Variants in ACER1 observed in about 807,000 individuals in gnomAD.
ACER1 encodes alkaline ceramidase 1.
In ACER1, 28 loss-of-function variants were observed where a neutral mutation model predicts 24.9. The observed-to-expected ratio is 1.13, with a 90% CI of 0.83 to 1.54. The LOEUF is 1.54. Ranked by LOEUF, ACER1 falls within the 40% of genes most tolerant of loss-of-function variation. ACER1 has a pLI of 0.00. For synonymous variants in ACER1, 132 were observed against 131.4 expected, an observed-to-expected ratio of 1.00 and a Z score of -0.03; for missense variants, 352 against 349.3, an observed-to-expected ratio of 1.01 and a Z score of -0.06.
At position 6,312,132 on chromosome 19, in the gene ACER1, G is replaced by A. The variant is rs1251291918; in HGVS notation, c.350+17C>T. On this transcript the variant is annotated intron_variant, in intron 3 of 5. Transcript: ENST00000301452. ...ACTCAGACCCCACCCTGTCCAGATG[G>A]CCAGCCCCTGACCCACCTGTTCCCC... The A allele has an allele frequency of 2.5e-6, 4 of 1,611,584 alleles. No homozygotes were observed. Among genetic ancestry groups the A allele is most frequent in the Admixed American group, 1.7e-5 (1 of 59,874 alleles).
chr19:6,329,681 G>C (rs1404933386), intron 1 of ACER1, among the ~76,000 whole-genome samples: 2 of 151,866 alleles, frequency 1.3e-5, no homozygotes. Flanking sequence ...TCAGGCTCAG[G>C]ACACACTTGA....
rs2091553805 is a variant in ACER1 at position 6,306,706 on chromosome 19, G to T, written c.*8C>A. The T allele has an allele frequency of 6.3e-7, 1 of 1,597,898 alleles. No homozygotes were observed. The highest frequency in any genetic ancestry group is 1.7e-5 in the Admixed American group (1 of 58,842). On this transcript the variant is annotated 3_prime_UTR_variant, in exon 6 of 6. Coordinates refer to ENST00000301452, the MANE Select transcript of ACER1 (RefSeq NM_133492.3). ...TGGGTGGTTGGATAGTCAAGAGGCT[G>T]GCAGGTCTCAGCAGTCCTTGTCATC... is the stretch of plus-strand genomic sequence containing the variant.
chr19:6,356,984 G>C, the ACER1 span, among the ~76,000 whole-genome samples: 3 of 151,612 alleles, frequency 2.0e-5, no homozygotes, highest in African/African-American at 7.3e-5. Context: ...AGAGTGCCTG[G>C]GATATTAGCA....
chr19:6,306,907 C>T (rs771814460), intron 5 of ACER1, 25 bp from the exon 6 acceptor site: 8 of 1,597,752 alleles, frequency 5.0e-6, no homozygotes, highest in Non-Finnish European at 6.0e-6. Context: ...GCGAAGGTGG[C>T]GAGGGCACAA....
chr19:6,313,229 C>T (rs1461678545), intron 1 of ACER1, among the ~76,000 whole-genome samples: 8 of 152,080 alleles, frequency 5.3e-5, no homozygotes, highest in Non-Finnish European at 1.5e-5. Context: ...GAGGATCCTC[C>T]TGCCTCAGCC....
the ACER1 span, among the ~76,000 whole-genome samples, chr19:6,345,627 C>T: frequency 2.0e-5 from 3 of 148,848 alleles, no homozygotes; most frequent in East Asian, 2.0e-4. Flanking sequence ...TGCAGTGGTA[C>T]GATCTCAGCT....
the ACER1 span, among the ~76,000 whole-genome samples, chr19:6,345,055 C>G: frequency 6.6e-6 from 1 of 151,708 alleles, no homozygotes. Context: ...TTAGTAGAGA[C>G]GGGGTTTCAC....
chr19:6,343,639 T>C, the ACER1 span: 1 of 152,764 alleles, frequency 6.5e-6, no homozygotes, highest in African/African-American at 2.4e-5. Flanking sequence ...AATGTGGGCT[T>C]CCTCCCAACT....
At chr19:6,308,016 G>A (rs1245474306) in intron 4 of ACER1, among the ~76,000 whole-genome samples, 1 of 149,446 alleles carries the variant, frequency 6.7e-6, no homozygotes, top group African/African-American at 2.5e-5. Flanking sequence ...CCAAGAGGCG[G>A]AGGTTGCAAT....
At chr19:6,347,109 A>AATATATATATATATATAT in the ACER1 span, among the ~76,000 whole-genome samples, 3 of 113,772 alleles carry the variant, frequency 2.6e-5, no homozygotes, top group African/African-American at 1.5e-4. Flanking sequence ...AAAAAAAAAA[A>AATATATATATATATATAT]ATATATATAT....
In ACER1 at chr19:6,324,910, A is replaced by AGGAG. The variant is rs1555716073; in HGVS notation, c.93+8545_93+8548dup. The stretch of plus-strand genomic sequence containing the variant: ...AAGGAAGGAAGGAAGGAAGGAAGGA[A>AGGAG]GGAGGAAGGAAGGAAACTCTCCTAA... On this transcript the variant is annotated intron_variant, in intron 1 of 5. Transcript: ENST00000301452. 5.7e-3 allele frequency among the ~76,000 whole-genome samples: 825 copies of AGGAG among 145,714 alleles called. 18 individuals are homozygous for AGGAG. Among genetic ancestry groups the AGGAG allele is most frequent in the African/African-American group, 0.021 (791 of 38,540 alleles).
the ACER1 span, among the ~76,000 whole-genome samples, chr19:6,340,297 A>T: frequency 8.6e-3 from 2 of 232 alleles, no homozygotes; most frequent in African/African-American, 0.016. Context: ...AGAAAGAAGG[A>T]AGGAAGGAAG....
chr19:6,335,018 A>AATATT (rs200112031), upstream of ACER1, among the ~76,000 whole-genome samples: 7,313 of 147,022 alleles, frequency 0.05, 270 homozygotes, highest in African/African-American at 0.11. Context: ...TAACAATAAT[A>AATATT]ATATAATTAT....
intron 1 of ACER1, among the ~76,000 whole-genome samples, chr19:6,319,210 G>A (rs1035707148): frequency 1.3e-5 from 2 of 152,134 alleles, no homozygotes; most frequent in Middle Eastern, 3.2e-3. Context: ...GTCCCTAAGC[G>A]CTCAGAAGGA....
the ACER1 span, among the ~76,000 whole-genome samples, chr19:6,347,110 A>ATG: frequency 3.8e-5 from 2 of 52,364 alleles, no homozygotes; most frequent in Non-Finnish European, 6.8e-5. Context: ...AAAAAAAAAA[A>ATG]TATATATATA....
Position 6,306,643 on chromosome 19 carries a change from C to T in ACER1, c.*71G>A. 6.5e-7 allele frequency: 1 copy of T among 1,527,498 alleles called. No homozygotes were observed. Among genetic ancestry groups the T allele is most frequent in the Non-Finnish European group, 8.9e-7 (1 of 1,128,902 alleles). The allele number at this position is 1,527,498 out of a possible 1,614,324, so 94.6% of individuals were successfully genotyped here. ...CACGAGTGTCCCGCAGGTGCAAGTC[C>T]TGACCGGGGCTATCTTCTCAAGACA... On this transcript the variant is annotated 3_prime_UTR_variant, in exon 6 of 6. Coordinates refer to ENST00000301452, the MANE Select transcript of ACER1 (RefSeq NM_133492.3).
chr19:6,312,319 G>C (rs759087252), intron 2 of ACER1, 29 bp from the exon 3 acceptor site: 3 of 1,613,830 alleles, frequency 1.9e-6, no homozygotes, highest in Admixed American at 1.7e-5. Flanking sequence ...GCGGTCAGTG[G>C]GGTCCGCCAC....
chr19:6,316,703 C>T (rs530531032), intron 1 of ACER1, among the ~76,000 whole-genome samples: 1 of 151,276 alleles, frequency 6.6e-6, no homozygotes, highest in South Asian at 2.1e-4. Flanking sequence ...GCCTATAATC[C>T]CAGCTACTCC....
At chr19:6,343,435 G>C in the ACER1 span, among the ~76,000 whole-genome samples, 1 of 151,974 alleles carries the variant, frequency 6.6e-6, no homozygotes, top group Non-Finnish European at 1.5e-5. Context: ...CTCCCAATAT[G>C]TGGCCTCCAC....
Sources: gnomAD v4.1 joint callset for allele counts (sites outside exome capture counted in the v4.1 genomes callset) on GRCh38, gnomAD v4.1.1 for gene constraint, MANE v1.5 for transcripts, NCBI Gene and HGNC (gene_info 2026-07-23, HGNC 2026-07-21) for gene names.